The following COL4A6 variants were observed in gnomAD, a reference collection of about 807,000 sequenced individuals.
The protein encoded by COL4A6 is collagen type IV alpha 6 chain, also known as collagen alpha-6(IV) chain.
A neutral mutation model predicts 126.7 loss-of-function variants in COL4A6; 59 were observed. The observed-to-expected ratio is 0.47, with a 90% CI of 0.38 to 0.58. The LOEUF is 0.58. COL4A6 is among the 20% of genes least tolerant of loss of function. COL4A6 has a pLI of 0.00. For synonymous variants in COL4A6, 547 were observed against 496.6 expected (o/e 1.10, Z -1.35); for missense variants, 1,285 against 1,337.3 (o/e 0.96, Z 0.61).
In COL4A6 at chrX:108,175,534, C is replaced by T. The variant is rs747464992; in HGVS notation, c.2830+120G>A. The T allele has an allele frequency of 1.1e-4, 93 of 857,567 alleles. No individual in the cohort carries two copies. In the East Asian group the frequency reaches 3.0e-3, roughly 28 times the overall value. 70.7% of individuals were successfully genotyped at this position (857,567 alleles called of 1,213,427 possible). A position where few individuals can be genotyped will look rare whatever the true frequency, so the allele number is the denominator to read the frequency against. ...GTTTAAAAGGACTTAATTCAGAAGC[C>T]CAAATTTTTATTATCTAACATAGAT... On this transcript the variant is annotated intron_variant, in intron 29 of 44. Coordinates refer to ENST00000334504, the MANE Select transcript of COL4A6 (RefSeq NM_033641.4).
chrX:108,412,514 C>T (rs1253783701), intron 2 of COL4A6, among the ~76,000 whole-genome samples: 1 of 111,840 alleles, frequency 8.9e-6, no homozygotes, highest in African/African-American at 3.2e-5. Context: ...AAGGATGCAT[C>T]GCTGTCATCA....
At chrX:108,197,808 T>TGC (rs2035267808) in intron 13 of COL4A6, among the ~76,000 whole-genome samples, 1 of 108,076 alleles carries the variant, frequency 9.3e-6, no homozygotes, top group Non-Finnish European at 1.9e-5. Flanking sequence ...TGTGTGTGTG[T>TGC]GTAGGATCCA....
At chrX:108,159,893 A>ACACACTTCAGCACAT in intron 43 of COL4A6, 145 bp from the exon 44 acceptor site, 1 of 610,842 alleles carries the variant, frequency 1.6e-6, no homozygotes, top group Non-Finnish European at 2.8e-6. Flanking sequence ...CATGTGCTGA[A>ACACACTTCAGCACAT]GTGTGTTGAG....
intron 3 of COL4A6, among the ~76,000 whole-genome samples, chrX:108,288,818 C>T (rs1277905136): frequency 5.4e-5 from 6 of 110,762 alleles, no homozygotes; most frequent in African/African-American, 1.3e-4. Flanking sequence ...TTGGGCGCCA[C>T]CCTAACCAAA....
intron 20 of COL4A6, among the ~76,000 whole-genome samples, chrX:108,189,728 G>A (rs756676116): frequency 1.8e-4 from 20 of 112,185 alleles, no homozygotes; most frequent in South Asian, 1.1e-3. Context: ...ATTTTATGAT[G>A]GAGCAATGAG....
At position 108,412,177 on chromosome X, in the gene COL4A6, T is replaced by C. The variant is rs183698186; in HGVS notation, c.63+25765A>G. On this transcript the variant is annotated intron_variant, in intron 2 of 44. Transcript: ENST00000334504. ...CAAAATGCCTGCTCAATAAAAGGAG[T>C]AAAAGATAGTGTCATAAGATTTATA... Among the ~76,000 whole-genome samples, 112 of 111,346 alleles carry C rather than the reference T, an allele frequency of 1.0e-3. 4 individuals carry two copies. The East Asian group carries it at 0.031, about 30-fold the overall frequency.
At chrX:108,228,756 C>T (rs780131103) in intron 3 of COL4A6, among the ~76,000 whole-genome samples, 24 of 112,017 alleles carry the variant, frequency 2.1e-4, no homozygotes, top group Non-Finnish European at 4.1e-4. Context: ...TAACCAGCCC[C>T]GTGATTCAAT....
chrX:108,287,116 T>C (rs1255038060), intron 3 of COL4A6, among the ~76,000 whole-genome samples: 2 of 112,286 alleles, frequency 1.8e-5, no homozygotes, highest in Admixed American at 9.4e-5. Context: ...ATTGAATTTT[T>C]CTACTCTAGA....
At chrX:108,178,216 C>T (rs1335450241) in intron 27 of COL4A6, among the ~76,000 whole-genome samples, 1 of 112,391 alleles carries the variant, frequency 8.9e-6, no homozygotes, top group Non-Finnish European at 1.9e-5. Flanking sequence ...GTGTCAGGCC[C>T]CACTGCTGAG....
chrX:108,281,664 C>G (rs970415918), intron 3 of COL4A6, among the ~76,000 whole-genome samples: 1 of 110,969 alleles, frequency 9.0e-6, no homozygotes, highest in Non-Finnish European at 1.9e-5. Context: ...TCATATGGAA[C>G]CAAAAAAGAG....
At chrX:108,410,284 A>G (rs147058216) in intron 2 of COL4A6, among the ~76,000 whole-genome samples, 1 of 111,723 alleles carries the variant, frequency 9.0e-6, no homozygotes, top group African/African-American at 3.3e-5. Flanking sequence ...CTGATTAATC[A>G]CTTTCACATT....
intron 2 of COL4A6, among the ~76,000 whole-genome samples, chrX:108,426,801 C>T (rs2064095027): frequency 8.9e-6 from 1 of 111,862 alleles, no homozygotes; most frequent in African/African-American, 3.3e-5. Flanking sequence ...ATGATTTGTC[C>T]TAAGGCCGTA....
chrX:108,216,260 T>C (rs1206474114), intron 5 of COL4A6, among the ~76,000 whole-genome samples: 2 of 112,024 alleles, frequency 1.8e-5, no homozygotes, highest in Non-Finnish European at 3.8e-5. Flanking sequence ...CTGACTCAGA[T>C]CTATCAGCCC....
At chrX:108,287,944 G>A (rs2038052249) in intron 3 of COL4A6, among the ~76,000 whole-genome samples, 1 of 111,623 alleles carries the variant, frequency 9.0e-6, no homozygotes, top group South Asian at 3.8e-4. Flanking sequence ...TGTCTCTCAG[G>A]AATCACTGTT....
At chrX:108,267,515 T>C (rs1348368215) in intron 3 of COL4A6, 2 of 112,639 alleles carry the variant, frequency 1.8e-5, no homozygotes, top group Admixed American at 1.9e-4. Flanking sequence ...CGTAAAGTAC[T>C]TAACATAGAA....
At chrX:108,249,184 T>C (rs1179741508) in intron 3 of COL4A6, among the ~76,000 whole-genome samples, 2 of 111,098 alleles carry the variant, frequency 1.8e-5, no homozygotes, top group Non-Finnish European at 3.8e-5. Context: ...TGTGGTAAAA[T>C]TGTCTTCCAT....
chrX:108,320,588 A>G (rs2039002808), intron 2 of COL4A6, among the ~76,000 whole-genome samples: 1 of 111,511 alleles, frequency 9.0e-6, no homozygotes, highest in African/African-American at 3.3e-5. Flanking sequence ...AAAGAAATGC[A>G]TCGGTTTTAG....
chrX:108,439,168 G>T, upstream of COL4A6, among the ~76,000 whole-genome samples: 1 of 110,800 alleles, frequency 9.0e-6, no homozygotes. Flanking sequence ...TACAATGAGA[G>T]TCAATACCTT....
chrX:108,277,256 G>A (rs1455421811), intron 3 of COL4A6, among the ~76,000 whole-genome samples: 2 of 111,678 alleles, frequency 1.8e-5, no homozygotes, highest in Non-Finnish European at 3.8e-5. Flanking sequence ...GGTGACAGAC[G>A]GCACCTGGAA....
Sources: gnomAD v4.1 joint callset for allele counts (sites outside exome capture counted in the v4.1 genomes callset) on GRCh38, gnomAD v4.1.1 for gene constraint, MANE v1.5 for transcripts, NCBI Gene and HGNC (gene_info 2026-07-23, HGNC 2026-07-21) for gene names.